The following ASIC2 variants were observed in gnomAD, a reference collection of about 807,000 sequenced individuals.
The protein encoded by ASIC2 is acid sensing ion channel subunit 2.
A neutral mutation model predicts 57.3 loss-of-function variants in ASIC2; 25 were observed. The ratio of observed to expected loss-of-function variants is 0.44; its 90% CI spans 0.32 to 0.61. The LOEUF (loss-of-function observed/expected upper bound fraction) is 0.61, where lower values mean the gene tolerates loss of function less well. ASIC2 is among the 20% of genes least tolerant of loss of function. The pLI, the probability that ASIC2 is intolerant of heterozygous loss-of-function variation, is 0.06. For missense variants in ASIC2, 641 were observed against 738.1 expected (o/e 0.87, Z 1.52); for synonymous variants, 319 against 307.5 (o/e 1.04, Z -0.39).
At chr17:33,446,100 A>G (rs1912008203) in intron 1 of ASIC2, among the ~76,000 whole-genome samples, 2 of 152,040 alleles carry the variant, frequency 1.3e-5, no homozygotes, top group Non-Finnish European at 2.9e-5. Flanking sequence ...CACACCGCTG[A>G]AAGAGATGGA....
At chr17:33,069,753 G>T (rs1049189424) in intron 3 of ASIC2, among the ~76,000 whole-genome samples, 5 of 151,874 alleles carry the variant, frequency 3.3e-5, no homozygotes, top group African/African-American at 9.7e-5. Context: ...TTTTTTCTGG[G>T]TAACCAGCAT....
intron 1 of ASIC2, among the ~76,000 whole-genome samples, chr17:33,799,072 T>C (rs1246770887): frequency 6.6e-6 from 1 of 152,236 alleles, no homozygotes; most frequent in Admixed American, 6.5e-5. Context: ...AGTTCTGTCC[T>C]AAATAGAATT....
chr17:33,878,672 G>GA (rs1914616748), intron 1 of ASIC2, among the ~76,000 whole-genome samples: 1 of 152,200 alleles, frequency 6.6e-6, no homozygotes, highest in South Asian at 2.1e-4. Context: ...AACCAAGTTG[G>GA]AAAACACTCT....
At chr17:33,276,545 T>C (rs1268589771) in intron 1 of ASIC2, among the ~76,000 whole-genome samples, 21 of 152,220 alleles carry the variant, frequency 1.4e-4, no homozygotes, top group Admixed American at 1.3e-3. Flanking sequence ...CCTGTCATTG[T>C]CACATTTACT....
chr17:33,843,226 G>A (rs1913490722), intron 1 of ASIC2, among the ~76,000 whole-genome samples: 1 of 152,128 alleles, frequency 6.6e-6, no homozygotes. Context: ...TTGCTGCTGT[G>A]GTCCAAGAAC....
At chr17:33,233,472 T>C (rs997520105) in intron 1 of ASIC2, among the ~76,000 whole-genome samples, 1 of 151,330 alleles carries the variant, frequency 6.6e-6, no homozygotes, top group Non-Finnish European at 1.5e-5. Flanking sequence ...CTTTCCAGAA[T>C]TTAAAAACTG....
At chr17:33,997,030 C>A (rs368944483) in intron 1 of ASIC2, among the ~76,000 whole-genome samples, 1 of 152,098 alleles carries the variant, frequency 6.6e-6, no homozygotes, top group African/African-American at 2.4e-5. Context: ...GTTCCTTTAT[C>A]AATGTTTTCT....
At chr17:33,096,085 CGTGTACTA>C (rs1399731779) in intron 2 of ASIC2, among the ~76,000 whole-genome samples, 1 of 152,160 alleles carries the variant, frequency 6.6e-6, no homozygotes, top group East Asian at 1.9e-4. Flanking sequence ...TGCATGCAGA[CGTGTACTA>C]GTGTACGGGT....
At chr17:33,605,472 C>T (rs938320838) in intron 1 of ASIC2, among the ~76,000 whole-genome samples, 2 of 152,114 alleles carry the variant, frequency 1.3e-5, no homozygotes, top group African/African-American at 4.8e-5. Flanking sequence ...ATTCAGGAAC[C>T]AAATGGACAG....
At chr17:33,677,073 C>T (rs1321868378) in intron 1 of ASIC2, among the ~76,000 whole-genome samples, 1 of 152,226 alleles carries the variant, frequency 6.6e-6, no homozygotes, top group East Asian at 1.9e-4. Flanking sequence ...CCACTAGAAT[C>T]ATGAACCAAT....
intron 1 of ASIC2, among the ~76,000 whole-genome samples, chr17:33,395,937 C>T (rs1910061560): frequency 6.6e-6 from 1 of 152,160 alleles, no homozygotes; most frequent in East Asian, 1.9e-4. Context: ...ATTGAATAAG[C>T]ACCTAATCAT....
At chr17:33,494,478 A>T in intron 1 of ASIC2, among the ~76,000 whole-genome samples, 1 of 152,186 alleles carries the variant, frequency 6.6e-6, no homozygotes, top group East Asian at 1.9e-4. Context: ...GCATAACAAG[A>T]CATTCTTCAC....
In ASIC2 at chr17:33,225,309, G is replaced by C. The variant is rs369440639; in HGVS notation, c.708+66099C>G. Among the ~76,000 whole-genome samples the C allele has an allele frequency of 8.5e-5, 13 of 152,284 alleles. No homozygotes were observed. In the East Asian group the frequency reaches 1.9e-3, roughly 23 times the overall value. ...GAGGTGAGATATTGATCCCATCTCT[G>C]CCATTTACTGTCTGCGTGATTGGAG... On this transcript the variant is annotated intron_variant, in intron 1 of 9. Transcript: ENST00000225823.
At chr17:33,630,643 TAAC>T (rs1334780258) in intron 1 of ASIC2, among the ~76,000 whole-genome samples, 1 of 150,744 alleles carries the variant, frequency 6.6e-6, no homozygotes, top group African/African-American at 2.5e-5. Context: ...TGTGTGGCCT[TAAC>T]AATCTACTTA....
intron 1 of ASIC2, among the ~76,000 whole-genome samples, chr17:33,702,498 C>G (rs532125307): frequency 6.6e-6 from 1 of 152,124 alleles, no homozygotes; most frequent in Non-Finnish European, 1.5e-5. Flanking sequence ...GCAGAGCCAG[C>G]GTCACACCTT....
chr17:33,196,200 G>A (rs1906620320), intron 1 of ASIC2, among the ~76,000 whole-genome samples: 1 of 152,136 alleles, frequency 6.6e-6, no homozygotes, highest in Non-Finnish European at 1.5e-5. Flanking sequence ...AACTTGGAGA[G>A]GTTAAACAAT....
At chr17:33,304,532 C>T (rs919326987) in intron 1 of ASIC2, among the ~76,000 whole-genome samples, 1 of 152,186 alleles carries the variant, frequency 6.6e-6, no homozygotes, top group African/African-American at 2.4e-5. Flanking sequence ...CACTGCCCAC[C>T]AACCAGTAAA....
chr17:33,139,649 C>A (rs1476086928), intron 1 of ASIC2, among the ~76,000 whole-genome samples: 1 of 152,180 alleles, frequency 6.6e-6, no homozygotes. Context: ...AAGTCCCCTT[C>A]ATTCCCTGCA....
chr17:33,778,789 A>T (rs969948219), intron 1 of ASIC2, among the ~76,000 whole-genome samples: 3 of 152,196 alleles, frequency 2.0e-5, no homozygotes, highest in African/African-American at 7.2e-5. Flanking sequence ...AAGTGAGATA[A>T]TGTCTAGACT....
Sources: allele counts gnomAD v4.1 joint callset (sites outside exome capture counted in the v4.1 genomes callset), GRCh38; gene constraint gnomAD v4.1.1; transcripts MANE v1.5; gene names NCBI Gene and HGNC (gene_info 2026-07-23, HGNC 2026-07-21).